Variants in MRPS25 observed in about 807,000 individuals in gnomAD.
The protein encoded by MRPS25 is small ribosomal subunit protein mS25.
In MRPS25, 15 loss-of-function variants were observed where a neutral mutation model predicts 17.3. The ratio of observed to expected loss-of-function variants is 0.87; its 90% confidence interval spans 0.58 to 1.34. The LOEUF is 1.34. Ranked by LOEUF, MRPS25 falls within the 40% of genes most tolerant of loss-of-function variation. MRPS25 has a pLI of 0.00. For synonymous variants in MRPS25, 94 were observed against 83.3 expected, an observed-to-expected ratio of 1.13 and a Z score of -0.70; for missense variants, 225 against 218.6, an observed-to-expected ratio of 1.03 and a Z score of -0.19.
Position 15,052,079 on chromosome 3 carries a change from C to T in MRPS25, c.*362G>A, listed in dbSNP as rs968110021. On this transcript the variant is annotated 3_prime_UTR_variant, in exon 4 of 4. Coordinates refer to ENST00000253686, the MANE Select transcript of MRPS25 (RefSeq NM_022497.5). ...GTAGAGCCCAGAGGAAGATTCAAAG[C>T]CAGCGGAGACCAGTAAAGGGTCGCA... 6 of 1,020,688 alleles carry T rather than the reference C, an allele frequency of 5.9e-6. No homozygotes were observed. In the African/African-American group the frequency reaches 8.5e-5, roughly 15 times the overall value. The allele number at this position is 1,020,688 out of a possible 1,614,324, so 63.2% of individuals were successfully genotyped here.
chr3:15,053,337 G>A (rs560502405), intron 3 of MRPS25, 43 bp downstream of exon 3: 1 of 1,613,518 alleles, frequency 6.2e-7, no homozygotes, highest in South Asian at 1.1e-5. Context: ...AAATTCTCTG[G>A]GCTGAGAAGT....
chr3:15,062,831 G>A (rs569849931), intron 1 of MRPS25, among the ~76,000 whole-genome samples: 120 of 152,216 alleles, frequency 7.9e-4, no homozygotes, highest in Non-Finnish European at 1.4e-3. Flanking sequence ...GATTAAGGGC[G>A]GTACAAGATG....
At position 15,065,029 on chromosome 3, in the gene MRPS25, CGGCTCGCCAGGCGGCCGG is replaced by C. The variant is rs1220282394; in HGVS notation, c.134+14_134+31del. The stretch of plus-strand genomic sequence containing the variant: ...GCAGGCTGGCACGACTAGCAGGTTA[CGGCTCGCCAGGCGGCCGG>C]GGCTGCGACTGACCTGGCGCCCTCG... On this transcript the variant is annotated intron_variant, in intron 1 of 3. Coordinates refer to ENST00000253686, the MANE Select transcript of MRPS25 (RefSeq NM_022497.5). The C allele has an allele frequency of 5.2e-6, 8 of 1,546,244 alleles. No homozygotes were observed. The highest frequency in any genetic ancestry group is 6.9e-6 in the Non-Finnish European group (8 of 1,152,372).
In MRPS25 at chr3:15,065,257, A is replaced by C. The variant is rs538661336; in HGVS notation, c.-63T>G. The C allele has an allele frequency of 2.6e-5, 38 of 1,488,690 alleles. No individual in the cohort carries two copies. In the East Asian group the frequency reaches 9.2e-4, roughly 36 times the overall value. The allele number at this position is 1,488,690 out of a possible 1,614,324, so 92.2% of individuals were successfully genotyped here. On this transcript the variant is annotated 5_prime_UTR_variant, in exon 1 of 4. Coordinates refer to ENST00000253686, the MANE Select transcript of MRPS25 (RefSeq NM_022497.5). ...AGCCGAGCAGCGACGAGAAAGGACT[A>C]GCTAGCACCCGCGCGGATCTCACGC...
chr3:15,047,127 T>G (rs1251442273), downstream of MRPS25: 1 of 152,696 alleles, frequency 6.5e-6, no homozygotes, highest in Non-Finnish European at 1.5e-5. Flanking sequence ...ATGTATATTA[T>G]GTATACAGAC....
chr3:15,049,789 C>G lies in MRPS25; in HGVS notation c.*2652G>C. 1.3e-6 allele frequency: 1 copy of G among 790,964 alleles called. No individual in the cohort carries two copies. The highest frequency in any genetic ancestry group is 2.0e-6 in the Non-Finnish European group (1 of 488,054). The allele number at this position is 790,964 out of a possible 1,614,324, so 49.0% of individuals were successfully genotyped here. A position where few individuals can be genotyped will look rare whatever the true frequency, so the allele number is the denominator to read the frequency against. On this transcript the variant is annotated 3_prime_UTR_variant, in exon 4 of 4. Coordinates refer to ENST00000253686, the MANE Select transcript of MRPS25 (RefSeq NM_022497.5). ...ACTGGCAGGCAGATAGGGCCTCACT[C>G]CGTCACCCAGGCTGGAATGCAGTGG...
At chr3:15,055,147 C>T (rs2042654498) in intron 2 of MRPS25, among the ~76,000 whole-genome samples, 1 of 152,136 alleles carries the variant, frequency 6.6e-6, no homozygotes, top group Admixed American at 6.5e-5. Flanking sequence ...GAACTCACTA[C>T]CACAGACCAC....
At chr3:15,044,101 G>C (rs543164500), downstream of MRPS25, 1 of 152,226 alleles carries the variant, frequency 6.6e-6, no homozygotes, top group Non-Finnish European at 1.5e-5. Context: ...TCGTGTTTCT[G>C]CAGCTCCATC....
intron 1 of MRPS25, among the ~76,000 whole-genome samples, chr3:15,062,520 G>A (rs1205265136): frequency 6.6e-6 from 1 of 151,476 alleles, no homozygotes; most frequent in Non-Finnish European, 1.5e-5. Flanking sequence ...CGCCCCTACT[G>A]GGAAGTGAGG....
chr3:15,051,198 T>C lies in MRPS25; in HGVS notation c.*1243A>G, dbSNP rs2042600302. The C allele has an allele frequency of 1.0e-6, 1 of 982,526 alleles. No individual in the cohort carries two copies. The allele number at this position is 982,526 out of a possible 1,614,324, so 60.9% of individuals were successfully genotyped here. On this transcript the variant is annotated 3_prime_UTR_variant, in exon 4 of 4. Coordinates refer to ENST00000253686, the MANE Select transcript of MRPS25 (RefSeq NM_022497.5). ...AATTAAACTTATTTAAAAAATTTTT[T>C]TTCTTGAGACAGTCTTGCTCTGTGG...
At chr3:15,048,142 TTA>T (rs1210243891), downstream of MRPS25, 1 of 152,672 alleles carries the variant, frequency 6.5e-6, no homozygotes, top group Non-Finnish European at 1.5e-5. Context: ...TAAAAACACT[TTA>T]TGAGACCATA....
downstream of MRPS25, chr3:15,043,134 C>T (rs149009663): frequency 8.3e-5 from 71 of 850,428 alleles, no homozygotes; most frequent in African/African-American, 1.1e-3. Context: ...TCTGGTTTCT[C>T]CTTATCTGTT....
At chr3:15,058,616 G>A (rs6774992) in intron 2 of MRPS25, among the ~76,000 whole-genome samples, 10,985 of 152,276 alleles carry the variant, frequency 0.072, 434 homozygotes, top group Middle Eastern at 0.099. Flanking sequence ...TGGTCCTAGG[G>A]AACATGTGTT....
chr3:15,052,325 A>C lies in MRPS25; in HGVS notation c.*116T>G. 6.7e-7 allele frequency: 1 copy of C among 1,492,268 alleles called. No homozygotes were observed. The highest frequency in any genetic ancestry group is 8.9e-7 in the Non-Finnish European group (1 of 1,122,824). The allele number at this position is 1,492,268 out of a possible 1,614,324, so 92.4% of individuals were successfully genotyped here. A position where few individuals can be genotyped will look rare whatever the true frequency, so the allele number is the denominator to read the frequency against. ...GGTGTGTAAAGTCCTTTTAATGCAAAAGGATTTCCAGAGTCTCCAGGGACA... is the reference window on the plus strand; with the variant it reads ...GGTGTGTAAAGTCCTTTTAATGCAACAGGATTTCCAGAGTCTCCAGGGACA... On this transcript the variant is annotated 3_prime_UTR_variant, in exon 4 of 4. Coordinates refer to ENST00000253686, the MANE Select transcript of MRPS25 (RefSeq NM_022497.5).
chr3:15,052,190 A>T lies in MRPS25; in HGVS notation c.*251T>A. On this transcript the variant is annotated 3_prime_UTR_variant, in exon 4 of 4. Transcript: ENST00000253686. Reference sequence around the variant, plus strand: ...TACACAGGCCTTCCTCTTCACTAGGACCAGATACACGCCAAGCTGCTATTA... The same window carrying T: ...TACACAGGCCTTCCTCTTCACTAGGTCCAGATACACGCCAAGCTGCTATTA... 1 of 1,230,416 alleles carries T rather than the reference A, an allele frequency of 8.1e-7. No homozygotes were observed. The allele number at this position is 1,230,416 out of a possible 1,614,324, so 76.2% of individuals were successfully genotyped here.
chr3:15,053,153 G>T, intron 3 of MRPS25: 1 of 980,098 alleles, frequency 1.0e-6, no homozygotes, highest in Non-Finnish European at 1.4e-6. Context: ...AGGGAGAGAG[G>T]TACTTCTCAC....
Position 15,050,292 on chromosome 3 carries a change from C to CCCATG in MRPS25, c.*2148_*2149insCATGG. 9.1e-7 allele frequency: 1 copy of CCCATG among 1,096,336 alleles called. No individual in the cohort carries two copies. Among genetic ancestry groups the CCCATG allele is most frequent in the South Asian group, 2.3e-5 (1 of 42,838 alleles). The allele number at this position is 1,096,336 out of a possible 1,614,324, so 67.9% of individuals were successfully genotyped here. On this transcript the variant is annotated 3_prime_UTR_variant, in exon 4 of 4. Transcript: ENST00000253686. ...AGGGTCTGGGCTGTCCACCTCACTG[C>CCCATG]CCATTGCTCCTGTGTCAAGCCTGAA... is the stretch of plus-strand genomic sequence containing the variant.
intron 1 of MRPS25, 148 bp from the exon 2 acceptor site, chr3:15,059,623 T>C (rs2042722278): frequency 3.1e-6 from 2 of 636,058 alleles, no homozygotes. Context: ...AGGGATCCTC[T>C]TAGAAGATTC....
intron 2 of MRPS25, among the ~76,000 whole-genome samples, chr3:15,056,962 C>A (rs1164513614): frequency 6.6e-6 from 1 of 152,234 alleles, no homozygotes; most frequent in Admixed American, 6.5e-5. Context: ...CTGGCAGTTG[C>A]ACTCAGGTAT....
Sources: gnomAD v4.1 joint callset for allele counts (sites outside exome capture counted in the v4.1 genomes callset) on GRCh38, gnomAD v4.1.1 for gene constraint, MANE v1.5 for transcripts, NCBI Gene and HGNC (gene_info 2026-07-23, HGNC 2026-07-21) for gene names.